ZNF573: variants seen among roughly 807,000 people sequenced by gnomAD.
ZNF573 encodes the protein zinc finger protein 573.
ZNF573 carries 41 observed loss-of-function variants against 57.4 expected under a neutral mutation model. The observed-to-expected ratio is 0.71, with a 90% CI of 0.56 to 0.93. ZNF573 has a LOEUF of 0.93. Ranked by LOEUF, ZNF573 falls within the 40% of genes least tolerant of loss-of-function variation. The pLI is 0.00. For synonymous variants in ZNF573, 249 were observed against 261.0 expected, an observed-to-expected ratio of 0.95 and a Z score of 0.44; for missense variants, 730 against 794.8, an observed-to-expected ratio of 0.92 and a Z score of 0.98.
intron 4 of ZNF573, among the ~76,000 whole-genome samples, chr19:37,747,922 G>A (rs955317366): frequency 1.7e-4 from 26 of 152,018 alleles, no homozygotes; most frequent in Non-Finnish European, 2.5e-4. Flanking sequence ...TCCTGACCTC[G>A]TGATCCACCT....
At chr19:37,768,969 T>G (rs992692346) in intron 4 of ZNF573, among the ~76,000 whole-genome samples, 3 of 132,234 alleles carry the variant, frequency 2.3e-5, no homozygotes, top group South Asian at 2.5e-4. Flanking sequence ...CCCGGCCTAT[T>G]TTATTTTATT....
chr19:37,741,341 T>C (rs530045893), intron 4 of ZNF573, among the ~76,000 whole-genome samples: 167 of 152,270 alleles, frequency 1.1e-3, no homozygotes, highest in African/African-American at 3.9e-3. Flanking sequence ...CATAGTTCAC[T>C]GCAGCCTTGT....
chr19:37,757,902 T>C (rs949762063), intron 4 of ZNF573, among the ~76,000 whole-genome samples: 15 of 151,836 alleles, frequency 9.9e-5, no homozygotes, highest in Non-Finnish European at 1.8e-4. Context: ...GGGACATGGA[T>C]GAAGCTGGAA....
chr19:37,751,758 ACTGTATATAG>A (rs2045438015), intron 4 of ZNF573, among the ~76,000 whole-genome samples: 1 of 123,994 alleles, frequency 8.1e-6, no homozygotes, highest in Non-Finnish European at 1.7e-5. Context: ...TACCGTATAT[ACTGTATATAG>A]TACATAGTAC....
chr19:37,767,202 G>A lies in ZNF573; in HGVS notation c.295+2803C>T, dbSNP rs143265197. On this transcript the variant is annotated intron_variant, in intron 4 of 4. Coordinates refer to ENST00000536220, the MANE Select transcript of ZNF573 (RefSeq NM_001172690.2). Reference sequence around the variant, plus strand: ...TCAACCTCCTCCTAGTTCCCCCTTCGCCAACATAAAAAACGGCATGAGATT... The same window carrying A: ...TCAACCTCCTCCTAGTTCCCCCTTCACCAACATAAAAAACGGCATGAGATT... Among the ~76,000 whole-genome samples the A allele has an allele frequency of 2.1e-4, 31 of 150,850 alleles. No individual in the cohort carries two copies. The East Asian group carries it at 5.5e-3, about 27-fold the overall frequency.
chr19:37,766,798 C>T (rs1224222419), intron 4 of ZNF573, among the ~76,000 whole-genome samples: 2 of 152,040 alleles, frequency 1.3e-5, no homozygotes, highest in African/African-American at 4.8e-5. Flanking sequence ...TACAATACTG[C>T]CCAGGAAGTT....
intron 4 of ZNF573, among the ~76,000 whole-genome samples, chr19:37,756,199 A>G (rs756382489): frequency 2.6e-5 from 4 of 152,338 alleles, no homozygotes; most frequent in Non-Finnish European, 5.9e-5. Flanking sequence ...CTTTCTCAGA[A>G]TAAGAGATCT....
intron 4 of ZNF573, chr19:37,759,009 A>G (rs1244115369): frequency 2.3e-6 from 1 of 441,780 alleles, no homozygotes; most frequent in African/African-American, 2.1e-5. Context: ...ATATCAATAT[A>G]TCTAATATAT....
chr19:37,738,860 G>A lies in ZNF573; in HGVS notation c.1630C>T (p.His544Tyr). 1 of 1,611,816 alleles carries A rather than the reference G, an allele frequency of 6.2e-7. No homozygotes were observed. The highest frequency in any genetic ancestry group is 1.7e-4 in the Middle Eastern group (1 of 6,038). ...TFTFYRNLTL[H>Y]QSIHTDEKPF... The stretch of plus-strand genomic sequence containing the variant: ...TTCTCATCAGTATGAATACTTTGAT[G>A]TAGAGTAAGATTTCTATAGAAAGTA... Residue 544 changes from histidine to tyrosine, a missense_variant, in exon 5 of 5, where the codon CAT becomes TAT. Transcript: ENST00000536220.
intron 1 of ZNF573, among the ~76,000 whole-genome samples, chr19:37,777,921 G>C (rs1215739962): frequency 6.6e-6 from 1 of 150,916 alleles, no homozygotes; most frequent in Non-Finnish European, 1.5e-5. Flanking sequence ...TACTCGGAGA[G>C]GCTGAGGCAG....
In ZNF573 at chr19:37,738,493, T is replaced by TA; in HGVS notation, c.1996dup (p.Ter666LeufsTer4). On this transcript the variant is annotated frameshift_variant and stop_lost, in exon 5 of 5. Coordinates refer to ENST00000536220, the MANE Select transcript of ZNF573 (RefSeq NM_001172690.2). LOFTEE classifies it high-confidence loss of function. ...GGCGCGCTCGTACTCTTTACGGTCT[T>TA]ACACTTTTATGCTCCTATGAATTCT... The TA allele has an allele frequency of 6.5e-7, 1 of 1,527,852 alleles. No individual in the cohort carries two copies. Among genetic ancestry groups the TA allele is most frequent in the Non-Finnish European group, 8.8e-7 (1 of 1,141,900 alleles). 94.6% of individuals were successfully genotyped at this position (1,527,852 alleles called of 1,614,324 possible).
chr19:37,758,535 G>C (rs528885980), intron 4 of ZNF573: 1 of 149,594 alleles, frequency 6.7e-6, no homozygotes, highest in South Asian at 2.1e-4. Flanking sequence ...GGGAGGCGGA[G>C]GTTGCAGTGA....
chr19:37,750,722 C>T (rs1401627261), intron 4 of ZNF573, among the ~76,000 whole-genome samples: 2 of 151,402 alleles, frequency 1.3e-5, no homozygotes, highest in Non-Finnish European at 2.9e-5. Flanking sequence ...CACGGAGGCT[C>T]ACACCTGTAA....
intron 2 of ZNF573, 69 bp downstream of exon 2, chr19:37,773,592 T>C: frequency 2.4e-6 from 3 of 1,274,752 alleles, no homozygotes; most frequent in Non-Finnish European, 3.3e-6. Flanking sequence ...TAGGAAGCCT[T>C]AGGTTAATGA....
intron 4 of ZNF573, among the ~76,000 whole-genome samples, chr19:37,743,244 C>T (rs978514147): frequency 1.5e-4 from 21 of 138,302 alleles, no homozygotes; most frequent in Admixed American, 5.6e-4. Flanking sequence ...CACTTGAACG[C>T]GGGAGGTAGA....
intron 4 of ZNF573, among the ~76,000 whole-genome samples, chr19:37,744,710 C>T (rs971798491): frequency 1.4e-5 from 2 of 140,152 alleles, no homozygotes; most frequent in African/African-American, 2.7e-5. Flanking sequence ...CACTGCACTC[C>T]AGCCCAGGCA....
chr19:37,743,179 G>A (rs2045342975), intron 4 of ZNF573, among the ~76,000 whole-genome samples: 1 of 151,964 alleles, frequency 6.6e-6, no homozygotes, highest in Admixed American at 6.6e-5. Flanking sequence ...AATTAGCCAG[G>A]CATGGTGGCA....
chr19:37,743,193 G>A (rs1300528897), intron 4 of ZNF573, among the ~76,000 whole-genome samples: 1 of 151,832 alleles, frequency 6.6e-6, no homozygotes, highest in African/African-American at 2.4e-5. Context: ...GGTGGCAGGT[G>A]CCTGTAATCC....
In ZNF573 at chr19:37,739,378, C is replaced by A; in HGVS notation, c.1112G>T (p.Arg371Ile). The A allele has an allele frequency of 4.3e-6, 7 of 1,613,832 alleles. No individual in the cohort carries two copies. Among genetic ancestry groups the A allele is most frequent in the Non-Finnish European group, 5.9e-6 (7 of 1,179,956 alleles). Residue 371 changes from arginine (R) to isoleucine (I), a missense_variant, in exon 5 of 5, where the codon AGA (arginine) becomes ATA (isoleucine). Transcript: ENST00000536220. ...KECKKTFTLY[R>I]NLTRHQNIHT... Reference sequence around the variant, plus strand: ...AATATTCTGATGCCGAGTAAGATTTCTATACAAAGTAAAGGTTTTCTTACA... The same window carrying A: ...AATATTCTGATGCCGAGTAAGATTTATATACAAAGTAAAGGTTTTCTTACA...
Sources: gnomAD v4.1 joint callset for allele counts (sites outside exome capture counted in the v4.1 genomes callset) on GRCh38, gnomAD v4.1.1 for gene constraint, MANE v1.5 for transcripts, NCBI Gene and HGNC (gene_info 2026-07-23, HGNC 2026-07-21) for gene names.